CFAP20DC: variants seen among roughly 807,000 people sequenced by gnomAD.
The protein encoded by CFAP20DC is CFAP20 domain containing, also known as protein CFAP20DC.
In CFAP20DC, 84 loss-of-function variants were observed where a neutral mutation model predicts 101.7. The observed-to-expected ratio is 0.83, with a 90% CI of 0.69 to 0.99. The LOEUF (loss-of-function observed/expected upper bound fraction) is 0.99, where lower values mean the gene tolerates loss of function less well. CFAP20DC is among the 50% of genes least tolerant of loss of function. The probability of loss-of-function intolerance (pLI) is 0.00; values close to 1 mark genes in which losing one functional copy is unlikely to be tolerated. For synonymous variants in CFAP20DC, 359 were observed against 351.2 expected (o/e 1.02, Z -0.25); for missense variants, 1,007 against 970.3 (o/e 1.04, Z -0.50).
chr3:58,871,419 G>T (rs1052174678), intron 7 of CFAP20DC, among the ~76,000 whole-genome samples: 2 of 152,168 alleles, frequency 1.3e-5, no homozygotes, highest in Non-Finnish European at 2.9e-5. Context: ...CTTCAGGATA[G>T]GGCAGGTGTG....
intron 16 of CFAP20DC, among the ~76,000 whole-genome samples, chr3:58,745,673 A>T (rs2068142945): frequency 6.6e-6 from 1 of 152,220 alleles, no homozygotes; most frequent in African/African-American, 2.4e-5. Flanking sequence ...ATTAGGGATG[A>T]TAATATAATA....
intron 13 of CFAP20DC, among the ~76,000 whole-genome samples, chr3:58,833,792 A>G (rs1398310362): frequency 6.6e-6 from 1 of 152,222 alleles, no homozygotes; most frequent in African/African-American, 2.4e-5. Flanking sequence ...AGCATTATCC[A>G]TAATAGCCAA....
At chr3:58,873,951 A>G (rs1213110694) in intron 7 of CFAP20DC, among the ~76,000 whole-genome samples, 1 of 152,220 alleles carries the variant, frequency 6.6e-6, no homozygotes, top group Non-Finnish European at 1.5e-5. Flanking sequence ...AAGTCTGGAT[A>G]GCTGTTCTGG....
chr3:58,723,741 T>G (rs1356799884), intron 3 of CFAP20DC, among the ~76,000 whole-genome samples: 1 of 152,236 alleles, frequency 6.6e-6, no homozygotes, highest in Non-Finnish European at 1.5e-5. Flanking sequence ...GGGGTGTAAG[T>G]AGTAACCTTC....
At chr3:58,945,702 T>G (rs1435581775) in intron 4 of CFAP20DC, among the ~76,000 whole-genome samples, 2 of 151,762 alleles carry the variant, frequency 1.3e-5, no homozygotes, top group Non-Finnish European at 2.9e-5. Context: ...ACTTTCTTTT[T>G]TTTTTTTTTT....
In CFAP20DC at chr3:58,831,747, C is replaced by T. The variant is rs761172853; in HGVS notation, c.2114G>A (p.Cys705Tyr). The T allele has an allele frequency of 6.2e-7, 1 of 1,614,088 alleles. No individual in the cohort carries two copies. Among genetic ancestry groups the T allele is most frequent in the South Asian group, 1.1e-5 (1 of 91,080 alleles). Residue 705 changes from cysteine to tyrosine, a missense_variant, in exon 14 of 17, where the codon TGT becomes TAT. Coordinates refer to ENST00000482387, the MANE Select transcript of CFAP20DC (RefSeq NM_001394063.1). Reference sequence around the variant, plus strand: ...ACTGCTGGTACTTATGCTGACATTACAGTTGTCCACCTGGGAGGCACTCAG... The same window carrying T: ...ACTGCTGGTACTTATGCTGACATTATAGTTGTCCACCTGGGAGGCACTCAG... The part of the protein sequence containing the change: ...HGLSASQVDN[C>Y]NVSISTSSDD...
intron 4 of CFAP20DC, among the ~76,000 whole-genome samples, chr3:58,981,008 T>C (rs2092516308): frequency 6.6e-6 from 1 of 152,160 alleles, no homozygotes; most frequent in Non-Finnish European, 1.5e-5. Context: ...TTCAGCAAAG[T>C]CTCAGGATAC....
rs1048096476 is a variant in CFAP20DC at position 58,722,904 on chromosome 3, A to G, written c.198-5276T>C. ...TGGTCTGATTCAAATTCACCTTTCAAATCTTTACCTTGTCAATTTTGGTAA... is the reference window on the plus strand; with the variant it reads ...TGGTCTGATTCAAATTCACCTTTCAGATCTTTACCTTGTCAATTTTGGTAA... On this transcript the variant is annotated intron_variant, in intron 3 of 3. Coordinates refer to the CFAP20DC transcript ENST00000486145. This position sits in a 1 kb window ranked among gnomAD's most constrained non-coding sequence, Gnocchi z 4.5. Among the ~76,000 whole-genome samples, 6 of 152,302 alleles carry G rather than the reference A, an allele frequency of 3.9e-5. No individual in the cohort carries two copies. The highest frequency in any genetic ancestry group is 1.4e-4 in the African/African-American group (6 of 41,562).
At chr3:58,953,375 T>C (rs1314443968) in intron 4 of CFAP20DC, 7 of 152,222 alleles carry the variant, frequency 4.6e-5, no homozygotes, top group Admixed American at 2.0e-4. Flanking sequence ...GATTTTGGTT[T>C]GCACAAAATA....
At chr3:59,034,957 C>T (rs2094069226) in intron 4 of CFAP20DC, among the ~76,000 whole-genome samples, 1 of 152,162 alleles carries the variant, frequency 6.6e-6, no homozygotes, top group Admixed American at 6.6e-5. Flanking sequence ...AAACATTCCT[C>T]AGCAAATGCA....
At chr3:58,753,895 T>C (rs375787930) in intron 15 of CFAP20DC, 32 bp from the exon 16 acceptor site, 121 of 1,422,934 alleles carry the variant, frequency 8.5e-5, no homozygotes, top group Non-Finnish European at 1.1e-4. Context: ...TGAGCATGTC[T>C]GGAATTCCAT....
intron 6 of CFAP20DC, among the ~76,000 whole-genome samples, chr3:58,905,442 A>G (rs2083500452): frequency 6.6e-6 from 1 of 152,222 alleles, no homozygotes; most frequent in Non-Finnish European, 1.5e-5. Flanking sequence ...CAGGAGCCAT[A>G]AAAGTAATAA....
chr3:58,779,458 A>T (rs1359512084), intron 15 of CFAP20DC, among the ~76,000 whole-genome samples: 1 of 152,208 alleles, frequency 6.6e-6, no homozygotes, highest in Non-Finnish European at 1.5e-5. Flanking sequence ...CAGCTAGAGG[A>T]TACAACCATC....
intron 5 of CFAP20DC, among the ~76,000 whole-genome samples, chr3:58,923,477 T>C (rs779610192): frequency 2.6e-5 from 4 of 152,198 alleles, no homozygotes; most frequent in Non-Finnish European, 5.9e-5. Context: ...TTTTGAAGAA[T>C]GTCTTCACTG....
At chr3:59,005,120 T>C (rs900798076) in intron 4 of CFAP20DC, among the ~76,000 whole-genome samples, 1 of 152,172 alleles carries the variant, frequency 6.6e-6, no homozygotes, top group Non-Finnish European at 1.5e-5. Context: ...AGGGATGGTA[T>C]GCTAATTCTG....
At chr3:58,979,995 C>T (rs571028965) in intron 4 of CFAP20DC, among the ~76,000 whole-genome samples, 2 of 152,130 alleles carry the variant, frequency 1.3e-5, no homozygotes, top group South Asian at 2.1e-4. Context: ...TTGAAATGAT[C>T]GATTAGCACT....
intron 12 of CFAP20DC, among the ~76,000 whole-genome samples, chr3:58,855,984 A>G (rs1469749741): frequency 1.3e-5 from 2 of 151,704 alleles, no homozygotes; most frequent in Non-Finnish European, 2.9e-5. Flanking sequence ...TTAAAGTATA[A>G]TAAAAAAAAA....
At chr3:58,900,124 G>A (rs991311346) in intron 6 of CFAP20DC, among the ~76,000 whole-genome samples, 2 of 152,216 alleles carry the variant, frequency 1.3e-5, no homozygotes, top group African/African-American at 4.8e-5. Context: ...GGAGTGATCA[G>A]TGAGGTGAAA....
chr3:58,900,160 G>A (rs2083025590), intron 6 of CFAP20DC, among the ~76,000 whole-genome samples: 1 of 152,174 alleles, frequency 6.6e-6, no homozygotes, highest in Admixed American at 6.5e-5. Flanking sequence ...AGACTGTGAA[G>A]GCAGAAGGAC....
Sources: gnomAD v4.1 joint callset for allele counts (sites outside exome capture counted in the v4.1 genomes callset) on GRCh38, gnomAD v4.1.1 for gene constraint, Gnocchi (gnomAD v3.1) non-coding constraint, MANE v1.5 for transcripts, NCBI Gene and HGNC (gene_info 2026-07-23, HGNC 2026-07-21) for gene names.